FAM13A: variants seen among roughly 807,000 people sequenced by gnomAD.
FAM13A encodes family with sequence similarity 13 member A, also known as protein FAM13A.
Under a neutral mutation model 129.6 loss-of-function variants are expected in FAM13A, and 76 were observed. The observed-to-expected ratio is 0.59, with a 90% CI of 0.49 to 0.71. FAM13A has a LOEUF of 0.71. Ranked by LOEUF, FAM13A falls within the 30% of genes least tolerant of loss-of-function variation. FAM13A has a pLI of 0.00. For missense variants in FAM13A, 1,108 were observed against 1,249.3 expected, an observed-to-expected ratio of 0.89 and a Z score of 1.70; for synonymous variants, 443 against 449.9, an observed-to-expected ratio of 0.98 and a Z score of 0.20.
intron 3 of FAM13A, among the ~76,000 whole-genome samples, chr4:89,005,078 C>T (rs1764823955): frequency 6.6e-6 from 1 of 151,488 alleles, no homozygotes; most frequent in African/African-American, 2.4e-5. Flanking sequence ...ACACTCCATC[C>T]TCAAGTAGAC....
At chr4:88,924,650 A>T (rs1192878539) in intron 5 of FAM13A, among the ~76,000 whole-genome samples, 1 of 152,202 alleles carries the variant, frequency 6.6e-6, no homozygotes, top group Admixed American at 6.5e-5. Context: ...ATGGGCAAGG[A>T]CTTCATGTCT....
At chr4:89,013,293 T>C (rs1765975115) in intron 3 of FAM13A, among the ~76,000 whole-genome samples, 2 of 149,282 alleles carry the variant, frequency 1.3e-5, no homozygotes, top group Admixed American at 6.8e-5. Context: ...ACACAGTATA[T>C]ATATATAAAA....
intron 1 of FAM13A, among the ~76,000 whole-genome samples, chr4:89,053,912 C>T (rs538616782): frequency 5.3e-5 from 8 of 152,288 alleles, no homozygotes; most frequent in Admixed American, 3.3e-4. Context: ...AGCAGAAAAT[C>T]TGACTCAGGA....
chr4:88,911,861 A>G (rs1579237981), intron 5 of FAM13A, among the ~76,000 whole-genome samples: 1 of 152,144 alleles, frequency 6.6e-6, no homozygotes, highest in Non-Finnish European at 1.5e-5. Context: ...GCTTCCCTTC[A>G]TAGCAAATTC....
chr4:88,810,783 A>C (rs1404769267), intron 7 of FAM13A, among the ~76,000 whole-genome samples: 1 of 152,218 alleles, frequency 6.6e-6, no homozygotes, highest in East Asian at 1.9e-4. Context: ...ATATTTTTTT[A>C]AAGTTTTAAT....
chr4:88,837,788 A>C (rs1735086743), intron 7 of FAM13A, among the ~76,000 whole-genome samples: 1 of 151,824 alleles, frequency 6.6e-6, no homozygotes, highest in Non-Finnish European at 1.5e-5. Flanking sequence ...AAACAGTGAT[A>C]AATACATATT....
chr4:88,775,749 A>G (rs772433612), intron 11 of FAM13A, among the ~76,000 whole-genome samples: 22 of 152,160 alleles, frequency 1.4e-4, no homozygotes, highest in Non-Finnish European at 2.9e-4. Flanking sequence ...CAGACTGTTC[A>G]ACATGTGTGA....
At chr4:89,032,636 T>A (rs1768859224) in intron 1 of FAM13A, among the ~76,000 whole-genome samples, 1 of 152,214 alleles carries the variant, frequency 6.6e-6, no homozygotes, top group Admixed American at 6.5e-5. Flanking sequence ...GATGCTTTTA[T>A]TTTTGTTGGA....
intron 6 of FAM13A, among the ~76,000 whole-genome samples, chr4:88,876,698 T>C (rs1742565910): frequency 6.6e-6 from 1 of 152,068 alleles, no homozygotes. Context: ...TTCATGCCAT[T>C]CTCCTGCCTC....
intron 1 of FAM13A, among the ~76,000 whole-genome samples, chr4:89,050,236 CT>C (rs979783168): frequency 5.6e-4 from 85 of 151,760 alleles, no homozygotes; most frequent in African/African-American, 2.0e-3. Flanking sequence ...GAGGCAGAGT[CT>C]CACAAGCTCT....
Position 88,731,277 on chromosome 4 carries a change from G to A in FAM13A, c.2945+50C>T, listed in dbSNP as rs372262048. On this transcript the variant is annotated intron_variant, in intron 23 of 23. Coordinates refer to ENST00000264344, the MANE Select transcript of FAM13A (RefSeq NM_014883.4). ...TGACAGAAAAACAAGAGGGATGGGT[G>A]TGTGTGGTGCGGCGGGGGGGAAGGG... 5.1e-5 allele frequency: 50 copies of A among 983,552 alleles called. No individual in the cohort carries two copies. The African/African-American group carries it at 6.8e-4, about 13-fold the overall frequency. The allele number at this position is 983,552 out of a possible 1,614,324, so 60.9% of individuals were successfully genotyped here.
At chr4:88,806,947 C>G (rs570632732) in intron 7 of FAM13A, among the ~76,000 whole-genome samples, 42 of 152,186 alleles carry the variant, frequency 2.8e-4, no homozygotes, top group African/African-American at 1.0e-3. Flanking sequence ...GTTTCCTGAT[C>G]AAGAAATTGA....
chr4:88,964,235 T>C (rs1480084759), intron 4 of FAM13A, among the ~76,000 whole-genome samples: 1 of 152,214 alleles, frequency 6.6e-6, no homozygotes, highest in African/African-American at 2.4e-5. Flanking sequence ...TACCAAACAC[T>C]TATTGCTTTC....
At chr4:88,912,884 G>A (rs1208718302) in intron 5 of FAM13A, among the ~76,000 whole-genome samples, 1 of 152,100 alleles carries the variant, frequency 6.6e-6, no homozygotes, top group Admixed American at 6.5e-5. Flanking sequence ...AGGAGGCTGA[G>A]GCAGGAGGAC....
chr4:88,972,644 G>A (rs1760287100), intron 4 of FAM13A, among the ~76,000 whole-genome samples: 2 of 151,876 alleles, frequency 1.3e-5, no homozygotes, highest in Admixed American at 1.3e-4. Flanking sequence ...GTCTCACTCT[G>A]TTGCCTAGGC....
At chr4:88,772,594 G>A (rs2149571848) in intron 11 of FAM13A, among the ~76,000 whole-genome samples, 1 of 152,260 alleles carries the variant, frequency 6.6e-6, no homozygotes, top group East Asian at 1.9e-4. Flanking sequence ...TTACCATGGA[G>A]GTTATATCCC....
chr4:88,826,448 G>A (rs776714005), intron 7 of FAM13A, among the ~76,000 whole-genome samples: 2 of 152,008 alleles, frequency 1.3e-5, no homozygotes, highest in Non-Finnish European at 2.9e-5. Flanking sequence ...GAGTGCTAAC[G>A]ATTGCAAAAG....
intron 19 of FAM13A, among the ~76,000 whole-genome samples, chr4:88,743,614 T>C (rs2149443802): frequency 6.6e-6 from 1 of 152,284 alleles, no homozygotes; most frequent in Admixed American, 6.5e-5. Flanking sequence ...ACCGTGATGA[T>C]TTTTGGATCT....
intron 3 of FAM13A, among the ~76,000 whole-genome samples, chr4:89,000,069 C>A (rs149070137): frequency 6.6e-6 from 1 of 152,136 alleles, no homozygotes; most frequent in East Asian, 1.9e-4. Context: ...CCCAATGGGC[C>A]TCTTCTTGGC....
Sources: allele counts gnomAD v4.1 joint callset (sites outside exome capture counted in the v4.1 genomes callset), GRCh38; gene constraint gnomAD v4.1.1; transcripts MANE v1.5; gene names NCBI Gene and HGNC (gene_info 2026-07-23, HGNC 2026-07-21).